CNTNAP2: variants seen among roughly 807,000 people sequenced by gnomAD.
The protein encoded by CNTNAP2 is contactin-associated protein-like 2.
CNTNAP2 carries 98 observed loss-of-function variants against 155.2 expected under a neutral mutation model. The ratio of observed to expected loss-of-function variants is 0.63; its 90% CI spans 0.54 to 0.75. CNTNAP2 has a LOEUF of 0.75. Among genes scored for constraint, CNTNAP2 ranks in the 30% least tolerant of loss-of-function variants. CNTNAP2 has a pLI of 0.00. For synonymous variants in CNTNAP2, 651 were observed against 631.2 expected (o/e 1.03, Z -0.47); for missense variants, 1,727 against 1,688.1 (o/e 1.02, Z -0.40).
At chr7:146,905,254 G>C (rs529631639) in intron 3 of CNTNAP2, among the ~76,000 whole-genome samples, 5 of 152,008 alleles carry the variant, frequency 3.3e-5, no homozygotes, top group African/African-American at 1.2e-4. Context: ...CTTAGCCTTT[G>C]AGGGATGTGA....
At chr7:146,803,418 G>A (rs1333409355) in intron 2 of CNTNAP2, among the ~76,000 whole-genome samples, 1 of 152,122 alleles carries the variant, frequency 6.6e-6, no homozygotes, top group East Asian at 1.9e-4. Flanking sequence ...GGCTTAGGAG[G>A]TAAAGAACAA....
intron 1 of CNTNAP2, among the ~76,000 whole-genome samples, chr7:146,629,230 C>T (rs1563163361): frequency 1.3e-5 from 2 of 152,248 alleles, no homozygotes; most frequent in East Asian, 1.9e-4. Flanking sequence ...GCAGTTACCC[C>T]TCTCACTCCT....
chr7:147,598,180 T>C (rs1800865739), intron 12 of CNTNAP2, among the ~76,000 whole-genome samples: 1 of 144,280 alleles, frequency 6.9e-6, no homozygotes, highest in South Asian at 2.2e-4. Flanking sequence ...TTTTTTTTTT[T>C]CTACTTTAAG....
rs191826055 is a variant in CNTNAP2 at position 147,939,520 on chromosome 7, G to T, written c.2255+35799G>T. On this transcript the variant is annotated intron_variant, in intron 14 of 23. Coordinates refer to ENST00000361727, the MANE Select transcript of CNTNAP2 (RefSeq NM_014141.6). Reference sequence around the variant, plus strand: ...ATTTTTGTATTTTTAGTAGAGATGGGGTTTCACCATGTTGGCCAAGCTGGT... The same window carrying T: ...ATTTTTGTATTTTTAGTAGAGATGGTGTTTCACCATGTTGGCCAAGCTGGT... Among the ~76,000 whole-genome samples the T allele has an allele frequency of 5.1e-4, 77 of 152,042 alleles. No homozygotes were observed. The East Asian group carries it at 0.014, about 27-fold the overall frequency.
chr7:146,765,686 T>G (rs1238103108), intron 1 of CNTNAP2, among the ~76,000 whole-genome samples: 1 of 152,110 alleles, frequency 6.6e-6, no homozygotes, highest in East Asian at 1.9e-4. Context: ...AATTTCAGAT[T>G]GTGGTGAGTG....
chr7:147,858,312 C>A (rs1398734980), intron 13 of CNTNAP2, among the ~76,000 whole-genome samples: 7 of 152,104 alleles, frequency 4.6e-5, no homozygotes, highest in African/African-American at 1.7e-4. Flanking sequence ...GTCTCCAATT[C>A]CTGACCTCAG....
At chr7:146,887,439 A>ATCACCTGATGTCATAAGTACATGGTTTT in intron 3 of CNTNAP2, among the ~76,000 whole-genome samples, 1 of 152,044 alleles carries the variant, frequency 6.6e-6, no homozygotes, top group Admixed American at 6.6e-5. Context: ...GAGGCAGCGG[A>ATCACCTGATGTCATAAGTACATGGTTTT]TCACCTGATG....
At chr7:148,041,530 A>G (rs17170805) in intron 15 of CNTNAP2, among the ~76,000 whole-genome samples, 11,772 of 152,268 alleles carry the variant, frequency 0.077, 1,102 homozygotes, top group African/African-American at 0.23. Flanking sequence ...TGCTGCCACT[A>G]CTTAACAAGA....
chr7:147,141,046 C>G (rs760258655), intron 8 of CNTNAP2, among the ~76,000 whole-genome samples: 4 of 152,108 alleles, frequency 2.6e-5, no homozygotes, highest in African/African-American at 9.7e-5. Flanking sequence ...TGTGCTAAAG[C>G]CTTTGCATTA....
intron 9 of CNTNAP2, among the ~76,000 whole-genome samples, chr7:147,365,461 A>G (rs896385978): frequency 6.6e-6 from 1 of 150,588 alleles, no homozygotes; most frequent in African/African-American, 2.4e-5. Flanking sequence ...GTTTCTGGCT[A>G]TTGTCACACA....
At chr7:147,163,855 A>G (rs936805193) in intron 8 of CNTNAP2, among the ~76,000 whole-genome samples, 2 of 152,168 alleles carry the variant, frequency 1.3e-5, no homozygotes, top group Admixed American at 6.5e-5. Flanking sequence ...GAACAAAATC[A>G]TCTTAGTTTT....
intron 15 of CNTNAP2, among the ~76,000 whole-genome samples, chr7:148,098,230 G>A (rs896583663): frequency 1.3e-5 from 2 of 151,970 alleles, no homozygotes; most frequent in African/African-American, 4.8e-5. Context: ...CAGATCATGA[G>A]GTCAGGAGAT....
In CNTNAP2 at chr7:146,673,855, T is replaced by A. The variant is rs184903677; in HGVS notation, c.98-100416T>A. The stretch of plus-strand genomic sequence containing the variant: ...ACCCCAGCCTCCCAAAGTGCTGGGG[T>A]TATAGGCATGAGCCATTGCACCTGC... On this transcript the variant is annotated intron_variant, in intron 1 of 23. Coordinates refer to ENST00000361727, the MANE Select transcript of CNTNAP2 (RefSeq NM_014141.6). Among the ~76,000 whole-genome samples the A allele has an allele frequency of 4.3e-3, 655 of 152,246 alleles. 6 individuals are homozygous for A. The highest frequency in any genetic ancestry group is 0.015 in the African/African-American group (613 of 41,564).
chr7:146,788,569 T>A (rs534268926), intron 2 of CNTNAP2, among the ~76,000 whole-genome samples: 4 of 152,246 alleles, frequency 2.6e-5, no homozygotes, highest in Admixed American at 2.6e-4. Flanking sequence ...TAGCAAAGGA[T>A]GTTACCACTG....
intron 11 of CNTNAP2, among the ~76,000 whole-genome samples, chr7:147,488,307 C>T (rs116962535): frequency 0.012 from 1,886 of 152,286 alleles, 20 homozygotes; most frequent in Admixed American, 0.016. Flanking sequence ...GTGTCTGACG[C>T]TAGCTATAAA....
Position 146,822,808 on chromosome 7 carries a change from C to T in CNTNAP2, c.209-16903C>T, listed in dbSNP as rs1186624369. Among the ~76,000 whole-genome samples, 4 of 147,856 alleles carry T rather than the reference C, an allele frequency of 2.7e-5. No individual in the cohort carries two copies. In the East Asian group the frequency reaches 6.0e-4, roughly 22 times the overall value. On this transcript the variant is annotated intron_variant, in intron 2 of 23. Transcript: ENST00000361727. ...TTCAGCATATTTAAATATAAATATA[C>T]TCATTCTTCAGCATATTTAAATATA...
In CNTNAP2 at chr7:146,726,470, A is replaced by C. The variant is rs73740827; in HGVS notation, c.98-47801A>C. On this transcript the variant is annotated intron_variant, in intron 1 of 23. Coordinates refer to ENST00000361727, the MANE Select transcript of CNTNAP2 (RefSeq NM_014141.6). Reference sequence around the variant, plus strand: ...ATTACTTCATTATTTTTAAAGTGCCATTCAATTTTCAATTGTATAACAAGT... The same window carrying C: ...ATTACTTCATTATTTTTAAAGTGCCCTTCAATTTTCAATTGTATAACAAGT... 9.8e-3 allele frequency among the ~76,000 whole-genome samples: 1,486 copies of C among 152,244 alleles called. 29 individuals are homozygous for C. Among genetic ancestry groups the C allele is most frequent in the African/African-American group, 0.034 (1,415 of 41,552 alleles).
Position 148,105,839 on chromosome 7 carries a change from G to A in CNTNAP2, c.2384-12279G>A, listed in dbSNP as rs998756616. ...TGACCTCAGGTGATCCACCCACCTCGGCCTCCCAAAGTGCTGGGATTACAG... is the reference window on the plus strand; with the variant it reads ...TGACCTCAGGTGATCCACCCACCTCAGCCTCCCAAAGTGCTGGGATTACAG... On this transcript the variant is annotated intron_variant, in intron 15 of 23. Coordinates refer to ENST00000361727, the MANE Select transcript of CNTNAP2 (RefSeq NM_014141.6). Among the ~76,000 whole-genome samples, 5 of 152,054 alleles carry A rather than the reference G, an allele frequency of 3.3e-5. No homozygotes were observed. In the East Asian group the frequency reaches 5.8e-4, roughly 18 times the overall value.
intron 12 of CNTNAP2, among the ~76,000 whole-genome samples, chr7:147,570,930 T>G (rs1430321597): frequency 6.6e-6 from 1 of 152,190 alleles, no homozygotes; most frequent in Non-Finnish European, 1.5e-5. Flanking sequence ...TTTATTCAAA[T>G]CTCTTCATTA....
Sources: allele counts gnomAD v4.1 joint callset (sites outside exome capture counted in the v4.1 genomes callset), GRCh38; gene constraint gnomAD v4.1.1; transcripts MANE v1.5; gene names NCBI Gene and HGNC (gene_info 2026-07-23, HGNC 2026-07-21).